AGR3: variants seen among roughly 807,000 people sequenced by gnomAD.
The protein encoded by AGR3 is anterior gradient 3, protein disulphide isomerase family member.
AGR3 carries 37 observed loss-of-function variants against 24.5 expected under a neutral mutation model. The ratio of observed to expected loss-of-function variants is 1.51; its 90% CI spans 1.16 to 1.99. AGR3 has a LOEUF of 1.99. AGR3 is among the 30% of genes most tolerant of loss of function. The pLI, the probability that AGR3 is intolerant of heterozygous loss-of-function variation, is 0.00. For missense variants in AGR3, 228 were observed against 191.1 expected, an observed-to-expected ratio of 1.19 and a Z score of -1.14; for synonymous variants, 75 against 61.6, an observed-to-expected ratio of 1.22 and a Z score of -1.02.
chr7:16,876,251 A>G (rs916139056), intron 2 of AGR3, among the ~76,000 whole-genome samples: 3 of 152,156 alleles, frequency 2.0e-5, no homozygotes, highest in African/African-American at 4.8e-5. Flanking sequence ...GCTTCTGCTC[A>G]TTACTCTAAT....
rs140340330 is a variant in AGR3 at position 16,861,154 on chromosome 7, T to A, written c.367+230A>T. On this transcript the variant is annotated intron_variant, in intron 6 of 7. Transcript: ENST00000310398. ...CTAGTCTGGGGCACTGTGTTGAAAG[T>A]ACATTGGGATATAGATTTAATAGCA... 5.7e-3 allele frequency among the ~76,000 whole-genome samples: 867 copies of A among 152,326 alleles called. 7 individuals carry two copies. The highest frequency in any genetic ancestry group is 0.02 in the African/African-American group (817 of 41,568).
chr7:16,869,793 A>G (rs1027288511), intron 3 of AGR3, among the ~76,000 whole-genome samples: 7 of 148,430 alleles, frequency 4.7e-5, no homozygotes, highest in Admixed American at 3.4e-4. Flanking sequence ...TTATTTCTAT[A>G]CTTTTATTAT....
chr7:16,881,494 C>T (rs1276480712), intron 1 of AGR3, among the ~76,000 whole-genome samples: 2 of 152,084 alleles, frequency 1.3e-5, no homozygotes, highest in African/African-American at 4.8e-5. Flanking sequence ...TGGTTACAGG[C>T]CTACAGCAGC....
At chr7:16,878,954 A>G (rs1046576034) in intron 1 of AGR3, among the ~76,000 whole-genome samples, 4 of 152,226 alleles carry the variant, frequency 2.6e-5, no homozygotes, top group African/African-American at 7.2e-5. Flanking sequence ...GTTCACACCA[A>G]CAAGACGAAA....
At chr7:16,864,068 G>A (rs534423930) in intron 3 of AGR3, among the ~76,000 whole-genome samples, 2 of 152,242 alleles carry the variant, frequency 1.3e-5, no homozygotes, top group Admixed American at 1.3e-4. Flanking sequence ...AACATTCAGA[G>A]ATTACTTGAA....
At chr7:16,873,259 G>A (rs1428872571) in intron 3 of AGR3, among the ~76,000 whole-genome samples, 3 of 152,076 alleles carry the variant, frequency 2.0e-5, no homozygotes, top group African/African-American at 7.2e-5. Context: ...CTACTACCCA[G>A]ACATAAAAAT....
chr7:16,881,695 T>C (rs1782119680), intron 1 of AGR3, among the ~76,000 whole-genome samples: 1 of 152,226 alleles, frequency 6.6e-6, no homozygotes, highest in Admixed American at 6.5e-5. Context: ...CTATCATTAC[T>C]TGTAGAATAC....
chr7:16,878,509 C>T lies in AGR3; in HGVS notation c.109+1G>A. ...TAGAAAATAAAATGAGATTACAGCA[C>T]CTCTTGAGAGTGTCTGAGGAGGCCT... On this transcript the variant is annotated splice_donor_variant, in intron 2 of 7. Coordinates refer to ENST00000310398, the MANE Select transcript of AGR3 (RefSeq NM_176813.5). LOFTEE classifies it high-confidence loss of function. 2 of 1,611,150 alleles carry T rather than the reference C, an allele frequency of 1.2e-6. No homozygotes were observed. Among genetic ancestry groups the T allele is most frequent in the Non-Finnish European group, 1.7e-6 (2 of 1,177,386 alleles).
At chr7:16,862,795 T>TATAGTCA in intron 3 of AGR3, 133 bp from the exon 4 acceptor site, 1 of 601,862 alleles carries the variant, frequency 1.7e-6, no homozygotes, top group Non-Finnish European at 2.9e-6. Context: ...ATCATAGCAC[T>TATAGTCA]ATAGTCAATA....
intron 3 of AGR3, among the ~76,000 whole-genome samples, chr7:16,871,050 T>C (rs1268110413): frequency 6.6e-6 from 1 of 152,202 alleles, no homozygotes; most frequent in East Asian, 1.9e-4. Flanking sequence ...TTATTGAGCC[T>C]AGAACAGTGT....
At chr7:16,860,474 G>C in intron 7 of AGR3, 26 bp downstream of exon 7, 3 of 1,554,918 alleles carry the variant, frequency 1.9e-6, no homozygotes, top group Non-Finnish European at 2.7e-6. Flanking sequence ...TATGACCACT[G>C]TTTGAGATCA....
chr7:16,857,956 GAGTT>G (rs1173806518), downstream of AGR3, among the ~76,000 whole-genome samples: 1 of 151,370 alleles, frequency 6.6e-6, no homozygotes, highest in East Asian at 1.9e-4. Flanking sequence ...AAAATCCTAT[GAGTT>G]AGGAAAATTT....
intron 4 of AGR3, 115 bp from the exon 5 acceptor site, chr7:16,862,175 A>G: frequency 1.3e-6 from 1 of 783,986 alleles, no homozygotes; most frequent in Non-Finnish European, 2.1e-6. Context: ...TCAGGTGTAA[A>G]TATTAATAGT....
At chr7:16,855,143 T>A (rs1322033955), downstream of AGR3, among the ~76,000 whole-genome samples, 2 of 152,198 alleles carry the variant, frequency 1.3e-5, no homozygotes, top group Admixed American at 6.5e-5. Flanking sequence ...ACGTTCAATA[T>A]CTTCTAGCTA....
chr7:16,878,875 A>T lies in AGR3; in HGVS notation c.-27-230T>A, dbSNP rs371224396. Among the ~76,000 whole-genome samples the T allele has an allele frequency of 3.8e-4, 58 of 152,354 alleles. 1 individual carries two copies. In the East Asian group the frequency reaches 0.01, roughly 27 times the overall value. On this transcript the variant is annotated intron_variant, in intron 1 of 7. Coordinates refer to ENST00000310398, the MANE Select transcript of AGR3 (RefSeq NM_176813.5). ...AAGTCATGTTCTGAGCCTCCTGGGC[A>T]TGGTGCTGTATAATTAAAAAAGAGC...
chr7:16,856,033 G>C (rs559147223), downstream of AGR3, among the ~76,000 whole-genome samples: 9 of 152,220 alleles, frequency 5.9e-5, no homozygotes, highest in East Asian at 1.7e-3. Context: ...ACTGCATCTT[G>C]TGTAAAGCCT....
intron 3 of AGR3, among the ~76,000 whole-genome samples, chr7:16,872,939 A>G (rs1289221881): frequency 2.0e-5 from 3 of 152,216 alleles, no homozygotes; most frequent in African/African-American, 7.2e-5. Context: ...ATTATCAAAA[A>G]GACAAAAAAT....
At chr7:16,863,001 G>T (rs1280585855) in intron 3 of AGR3, among the ~76,000 whole-genome samples, 1 of 152,140 alleles carries the variant, frequency 6.6e-6, no homozygotes. Flanking sequence ...AACCCAGGAG[G>T]TGAGGTTGCG....
chr7:16,868,855 G>T (rs1050738727), intron 3 of AGR3, among the ~76,000 whole-genome samples: 3 of 152,088 alleles, frequency 2.0e-5, no homozygotes, highest in African/African-American at 7.3e-5. Flanking sequence ...TGGCTGAATA[G>T]TATTTTATTG....
Sources: allele counts gnomAD v4.1 joint callset (sites outside exome capture counted in the v4.1 genomes callset), GRCh38; gene constraint gnomAD v4.1.1; transcripts MANE v1.5; gene names NCBI Gene and HGNC (gene_info 2026-07-23, HGNC 2026-07-21).